VDAC1: variants seen among roughly 807,000 people sequenced by gnomAD.
VDAC1 encodes non-selective voltage-gated ion channel VDAC1.
In VDAC1, 10 loss-of-function variants were observed where a neutral mutation model predicts 34.7. That is an observed-to-expected ratio of 0.29 (90% CI 0.18 to 0.49). VDAC1 has a LOEUF of 0.49. Ranked by LOEUF, VDAC1 falls within the 20% of genes least tolerant of loss-of-function variation. The probability of loss-of-function intolerance (pLI) is 0.99; values close to 1 mark genes in which losing one functional copy is unlikely to be tolerated. For synonymous variants in VDAC1, 130 were observed against 136.0 expected, an observed-to-expected ratio of 0.96 and a Z score of 0.30; for missense variants, 230 against 347.9, an observed-to-expected ratio of 0.66 and a Z score of 2.69.
the VDAC1 span, among the ~76,000 whole-genome samples, chr5:134,072,741 G>T: frequency 2.0e-5 from 3 of 152,154 alleles, no homozygotes; most frequent in Non-Finnish European, 4.4e-5. Context: ...CCAGCTCCAG[G>T]TTCCTCCTAC....
At chr5:134,067,520 T>G in the VDAC1 span, among the ~76,000 whole-genome samples, 1 of 150,878 alleles carries the variant, frequency 6.6e-6, no homozygotes, top group East Asian at 2.0e-4. Flanking sequence ...ATTGTCTTAA[T>G]AAAGTCCAAA....
At chr5:134,050,576 GTTC>G in the VDAC1 span, among the ~76,000 whole-genome samples, 3 of 152,118 alleles carry the variant, frequency 2.0e-5, no homozygotes, top group Admixed American at 6.6e-5. Flanking sequence ...ATGATTGCCC[GTTC>G]TTCTCCACAT....
intron 1 of VDAC1, among the ~76,000 whole-genome samples, chr5:134,004,195 GCGGCAGCGTGGC>G (rs1323890457): frequency 1.3e-5 from 2 of 152,050 alleles, no homozygotes; most frequent in Non-Finnish European, 2.9e-5. Flanking sequence ...CATCCCCGAG[GCGGCAGCGTGGC>G]CGGCACCCGC....
chr5:134,048,393 A>T, the VDAC1 span, among the ~76,000 whole-genome samples: 1 of 152,030 alleles, frequency 6.6e-6, no homozygotes, highest in Non-Finnish European at 1.5e-5. Flanking sequence ...CAGCCTCCCG[A>T]GTACCTGGGA....
chr5:134,025,034 T>C, the VDAC1 span, among the ~76,000 whole-genome samples: 6 of 152,372 alleles, frequency 3.9e-5, no homozygotes, highest in Non-Finnish European at 7.3e-5. Context: ...GCCACTGCCC[T>C]GTCCCAGGCG....
upstream of VDAC1, among the ~76,000 whole-genome samples, chr5:134,007,951 C>T (rs559383477): frequency 1.3e-5 from 2 of 152,260 alleles, no homozygotes; most frequent in Admixed American, 1.3e-4. Flanking sequence ...TTTGTGGGGA[C>T]AGGACAATCC....
the VDAC1 span, among the ~76,000 whole-genome samples, chr5:134,101,304 G>T: frequency 5.9e-5 from 9 of 151,864 alleles, no homozygotes; most frequent in Non-Finnish European, 8.8e-5. Flanking sequence ...AGAAACACAG[G>T]ATTGGCCAGG....
chr5:134,002,040 G>T (rs2127026753), intron 1 of VDAC1, among the ~76,000 whole-genome samples: 1 of 152,286 alleles, frequency 6.6e-6, no homozygotes, highest in African/African-American at 2.4e-5. Flanking sequence ...CTGCCTCCAA[G>T]CTTCGGCTGG....
intron 5 of VDAC1, chr5:133,988,783 A>T (rs1266961992): frequency 6.6e-6 from 1 of 152,060 alleles, no homozygotes; most frequent in African/African-American, 2.4e-5. Flanking sequence ...AAAAAAAAAA[A>T]AAACCAAAAA....
chr5:133,975,197 G>A (rs1752430319), intron 7 of VDAC1, among the ~76,000 whole-genome samples: 1 of 152,090 alleles, frequency 6.6e-6, no homozygotes, highest in Non-Finnish European at 1.5e-5. Flanking sequence ...GAGCACAGGA[G>A]GATGAGGCTG....
the VDAC1 span, among the ~76,000 whole-genome samples, chr5:134,022,789 A>G: frequency 6.6e-6 from 1 of 152,324 alleles, no homozygotes; most frequent in Admixed American, 6.5e-5. Flanking sequence ...AGCCCTTCAC[A>G]CCAGTTAGAA....
the VDAC1 span, among the ~76,000 whole-genome samples, chr5:134,064,736 G>C: frequency 1.6e-5 from 2 of 127,408 alleles, no homozygotes; most frequent in Non-Finnish European, 3.3e-5. Flanking sequence ...TTCCTTTTTT[G>C]AGCTAAGGTC....
the VDAC1 span, among the ~76,000 whole-genome samples, chr5:134,080,562 A>ACGGGCAGGTTAAGTCACGGAGGTACAG: frequency 8.4e-5 from 4 of 47,790 alleles, no homozygotes; most frequent in African/African-American, 2.7e-4. Context: ...CCGAGGTACC[A>ACGGGCAGGTTAAGTCACGGAGGTACAG]TACCGTGAGC....
At chr5:134,036,171 C>G in the VDAC1 span, among the ~76,000 whole-genome samples, 1 of 151,996 alleles carries the variant, frequency 6.6e-6, no homozygotes, top group African/African-American at 2.4e-5. Context: ...TGATTACAAA[C>G]AGAAAAAATA....
At chr5:134,112,229 AC>A in the VDAC1 span, among the ~76,000 whole-genome samples, 1 of 151,946 alleles carries the variant, frequency 6.6e-6, no homozygotes, top group Non-Finnish European at 1.5e-5. Context: ...CATTGATCTC[AC>A]CATATCTGAG....
At chr5:133,974,234 C>G (rs1752396786) in intron 7 of VDAC1, among the ~76,000 whole-genome samples, 3 of 152,152 alleles carry the variant, frequency 2.0e-5, no homozygotes. Flanking sequence ...TTACACAAAC[C>G]AGTACAGACA....
chr5:134,003,229 C>A (rs1351161604), intron 1 of VDAC1, among the ~76,000 whole-genome samples: 3 of 152,208 alleles, frequency 2.0e-5, no homozygotes, highest in Non-Finnish European at 4.4e-5. Context: ...GTGCCTCAGT[C>A]TGACCCTTAG....
At chr5:133,981,527 G>A (rs1322955598) in intron 5 of VDAC1, among the ~76,000 whole-genome samples, 2 of 152,158 alleles carry the variant, frequency 1.3e-5, no homozygotes, top group Non-Finnish European at 2.9e-5. Flanking sequence ...CAGAGAACCG[G>A]GTACTGATGT....
chr5:134,029,447 G>A, the VDAC1 span, among the ~76,000 whole-genome samples: 1 of 152,212 alleles, frequency 6.6e-6, no homozygotes, highest in South Asian at 2.1e-4. Flanking sequence ...TTGGGCTTAT[G>A]AATCAGCATT....
Sources: gnomAD v4.1 joint callset for allele counts (sites outside exome capture counted in the v4.1 genomes callset) on GRCh38, gnomAD v4.1.1 for gene constraint, MANE v1.5 for transcripts, NCBI Gene and HGNC (gene_info 2026-07-23, HGNC 2026-07-21) for gene names.